Variants in WDR36 observed in about 807,000 individuals in gnomAD.
The protein encoded by WDR36 is WD repeat-containing protein 36.
In WDR36, 63 loss-of-function variants were observed where a neutral mutation model predicts 112.7. The observed-to-expected ratio is 0.56, with a 90% CI of 0.46 to 0.69. WDR36 has a LOEUF of 0.69. Ranked by LOEUF, WDR36 falls within the 30% of genes least tolerant of loss-of-function variation. The pLI, the probability that WDR36 is intolerant of heterozygous loss-of-function variation, is 0.00. For missense variants in WDR36, 1,226 were observed against 1,070.3 expected (o/e 1.15, Z -2.03); for synonymous variants, 410 against 362.2 (o/e 1.13, Z -1.50).
At chr5:111,115,638 A>G (rs1279148291) in intron 16 of WDR36, among the ~76,000 whole-genome samples, 9 of 152,206 alleles carry the variant, frequency 5.9e-5, no homozygotes, top group Non-Finnish European at 1.5e-5. Flanking sequence ...TCTTCTTTCA[A>G]TTAAATAATT....
At chr5:111,122,222 T>C (rs1301394516) in intron 19 of WDR36, among the ~76,000 whole-genome samples, 1 of 152,148 alleles carries the variant, frequency 6.6e-6, no homozygotes, top group Admixed American at 6.5e-5. Context: ...ATGCAAGGCA[T>C]TAATAAGTAC....
intron 16 of WDR36, among the ~76,000 whole-genome samples, chr5:111,113,658 A>G (rs10060003): frequency 0.53 from 80,717 of 151,800 alleles, 22,386 homozygotes; most frequent in South Asian, 0.68. Context: ...GGTTATTTCT[A>G]AAGAAAAGGA....
chr5:111,127,098 A>G lies in WDR36; in HGVS notation c.*215A>G. On this transcript the variant is annotated 3_prime_UTR_variant, in exon 23 of 23. Transcript: ENST00000513710. ...ATGCCTGTAATTCCAGCACTTTCAG[A>G]GGCCAAAGCGGGAGGATTGCTTGAA... 4.4e-6 allele frequency: 2 copies of G among 451,220 alleles called. No individual in the cohort carries two copies. Among genetic ancestry groups the G allele is most frequent in the Non-Finnish European group, 7.6e-6 (2 of 261,582 alleles). 28.0% of individuals were successfully genotyped at this position (451,220 alleles called of 1,614,324 possible).
chr5:111,106,090 G>A lies in WDR36; in HGVS notation c.1127G>A (p.Gly376Glu). ...LINKKRVKRK[G>E]LQNTMSVRLP... ...AATAAAAAGAGAGTTAAACGTAAAG[G>A]ACTTCAGAATACCATGTCAGTGAGA... The change falls in exon 11 of 23, where the codon GGA becomes GAA. Residue 376 changes from glycine (G) to glutamate (E), a missense_variant. Coordinates refer to ENST00000513710, the MANE Select transcript of WDR36 (RefSeq NM_139281.3). The A allele has an allele frequency of 3.1e-6, 5 of 1,609,860 alleles. No homozygotes were observed. The highest frequency in any genetic ancestry group is 4.2e-6 in the Non-Finnish European group (5 of 1,177,026).
Position 111,120,499 on chromosome 5 carries a change from C to A in WDR36, c.1908C>A (p.Ser636=), listed in dbSNP as rs1354906523. ...TGCTTATGTTTTGATTTTTCAGGTC[C>A]AATATTTCCCTGTATTCAGTTGTTT... is the stretch of plus-strand genomic sequence containing the variant. ...HVDHLGIYLW[S]NISLYSVVSL... Residue 636 remains serine (S), a synonymous_variant, in exon 18 of 23, where the codon TCC becomes TCA. Transcript: ENST00000513710. 1 of 1,610,622 alleles carries A rather than the reference C, an allele frequency of 6.2e-7. No individual in the cohort carries two copies. Among genetic ancestry groups the A allele is most frequent in the Non-Finnish European group, 8.5e-7 (1 of 1,177,702 alleles).
In WDR36 at chr5:111,126,885, A is replaced by G. The variant is rs1376042678; in HGVS notation, c.*2A>G. On this transcript the variant is annotated 3_prime_UTR_variant, in exon 23 of 23. Transcript: ENST00000513710. ...TATCTCAAAAGTGCTTTGTTGTAAAAATAAATTTGTGACTAAACAAAGACT... is the reference window on the plus strand; with the variant it reads ...TATCTCAAAAGTGCTTTGTTGTAAAGATAAATTTGTGACTAAACAAAGACT... 3 of 1,593,760 alleles carry G rather than the reference A, an allele frequency of 1.9e-6. No homozygotes were observed. The South Asian group carries it at 3.4e-5, about 18-fold the overall frequency.
At chr5:111,103,416 T>C (rs1196229073) in intron 6 of WDR36, among the ~76,000 whole-genome samples, 4 of 151,782 alleles carry the variant, frequency 2.6e-5, no homozygotes, top group African/African-American at 9.7e-5. Flanking sequence ...CGCAAGCCTT[T>C]ATGTTTTCTA....
intron 2 of WDR36, 74 bp downstream of exon 2, chr5:111,095,021 C>A: frequency 7.2e-7 from 1 of 1,395,258 alleles, no homozygotes; most frequent in Non-Finnish European, 1.0e-6. Flanking sequence ...GTGAGACTTA[C>A]AGAGCATATA....
At chr5:111,094,768 T>C (rs1752941230) in intron 1 of WDR36, 152 bp from the exon 2 acceptor site, 2 of 663,050 alleles carry the variant, frequency 3.0e-6, no homozygotes, top group Non-Finnish European at 5.1e-6. Flanking sequence ...ATATAAACTT[T>C]CCTAATAAAG....
At chr5:111,125,135 T>G (rs1182875538) in intron 21 of WDR36, among the ~76,000 whole-genome samples, 1 of 152,224 alleles carries the variant, frequency 6.6e-6, no homozygotes, top group Non-Finnish European at 1.5e-5. Flanking sequence ...TTATATATTC[T>G]GTACTGTTAG....
At position 111,128,067 on chromosome 5, in the gene WDR36, G is replaced by GT. The variant is rs1367891123; in HGVS notation, c.*1192dup. On this transcript the variant is annotated 3_prime_UTR_variant, in exon 23 of 23. Coordinates refer to ENST00000513710, the MANE Select transcript of WDR36 (RefSeq NM_139281.3). The stretch of plus-strand genomic sequence containing the variant: ...CTTTTTTTCTCATCATCATTGTTTT[G>GT]TTTTTTTTATGGTTCAAGACTTTTG... 1.6e-4 allele frequency: 31 copies of GT among 190,342 alleles called. No homozygotes were observed. The highest frequency in any genetic ancestry group is 2.1e-4 in the Non-Finnish European group (19 of 91,598). The allele number at this position is 190,342 out of a possible 1,614,324, so 11.8% of individuals were successfully genotyped here.
chr5:111,101,898 G>T (rs1753127590), intron 5 of WDR36, among the ~76,000 whole-genome samples: 1 of 151,566 alleles, frequency 6.6e-6, no homozygotes, highest in Non-Finnish European at 1.5e-5. Context: ...TTGCTCCATG[G>T]ATGTGTTATT....
At chr5:111,120,882 A>G in intron 18 of WDR36, 114 bp from the exon 19 acceptor site, 2 of 927,382 alleles carry the variant, frequency 2.2e-6, no homozygotes, top group Non-Finnish European at 1.7e-6. Context: ...ATAAATGAAC[A>G]GTCTACAAGG....
At chr5:111,126,183 TA>T (rs1300385298) in intron 22 of WDR36, among the ~76,000 whole-genome samples, 1 of 152,108 alleles carries the variant, frequency 6.6e-6, no homozygotes, top group African/African-American at 2.4e-5. Flanking sequence ...TTTTAGTGGT[TA>T]GTTACATTTT....
rs751618273 is a variant in WDR36, at chr5:111,107,243, TG to T, written c.1181-50del. ...TATTGGATGCCTAATAAGTAATAAA[TG>T]AATAACAGAATGAAAAGTAATTTGA... is the stretch of plus-strand genomic sequence containing the variant. On this transcript the variant is annotated intron_variant, in intron 11 of 22. Transcript: ENST00000513710. 17 of 1,575,650 alleles carry T rather than the reference TG, an allele frequency of 1.1e-5. No homozygotes were observed. The South Asian group carries it at 1.9e-4, about 18-fold the overall frequency.
chr5:111,092,718 C>A, intron 1 of WDR36, 100 bp downstream of exon 1: 1 of 1,341,814 alleles, frequency 7.5e-7, no homozygotes, highest in Non-Finnish European at 1.0e-6. Context: ...TTACCACGGG[C>A]TTCCCTTCTT....
chr5:111,125,459 A>C (rs1217275921), intron 21 of WDR36, 149 bp from the exon 22 acceptor site: 6 of 766,762 alleles, frequency 7.8e-6, no homozygotes, highest in Non-Finnish European at 1.0e-5. Flanking sequence ...TTTGGGTTTC[A>C]TTCTACTACA....
chr5:111,121,155 T>C lies in WDR36; in HGVS notation c.2148+14T>C, dbSNP rs768175318. The C allele has an allele frequency of 3.7e-6, 6 of 1,613,236 alleles. No individual in the cohort carries two copies. In the South Asian group the frequency reaches 6.6e-5, roughly 18 times the overall value. Reference sequence around the variant, plus strand: ...GATGTTATTAAGGTAATAATTAACATTCTTTATAGACCCTAAGCATGCATC... The same window carrying C: ...GATGTTATTAAGGTAATAATTAACACTCTTTATAGACCCTAAGCATGCATC... On this transcript the variant is annotated intron_variant, in intron 19 of 22. Transcript: ENST00000513710.
intron 5 of WDR36, 112 bp from the exon 6 acceptor site, chr5:111,102,233 G>A (rs1561702847): frequency 7.5e-6 from 6 of 804,634 alleles, no homozygotes; most frequent in Non-Finnish European, 1.2e-5. Context: ...GTGTGGAAGA[G>A]TAAGAACTTA....
Sources: gnomAD v4.1 joint callset for allele counts (sites outside exome capture counted in the v4.1 genomes callset) on GRCh38, gnomAD v4.1.1 for gene constraint, MANE v1.5 for transcripts, NCBI Gene and HGNC (gene_info 2026-07-23, HGNC 2026-07-21) for gene names.